The following USP15 variants were observed in gnomAD, a reference collection of about 807,000 sequenced individuals.
USP15 encodes ubiquitin specific peptidase 15, also known as ubiquitin carboxyl-terminal hydrolase 15.
A neutral mutation model predicts 127.1 loss-of-function variants in USP15; 18 were observed. The ratio of observed to expected loss-of-function variants is 0.14; its 90% CI spans 0.10 to 0.21. USP15 has a LOEUF of 0.21. Among genes scored for constraint, USP15 ranks in the 10% least tolerant of loss-of-function variants. USP15 has a pLI of 1.00. For missense variants in USP15, 805 were observed against 1,159.9 expected (o/e 0.69, Z 4.44); for synonymous variants, 364 against 393.7 (o/e 0.92, Z 0.89).
intron 2 of USP15, among the ~76,000 whole-genome samples, chr12:62,299,413 A>G (rs1313197617): frequency 6.6e-6 from 1 of 152,176 alleles, no homozygotes; most frequent in African/African-American, 2.4e-5. Flanking sequence ...GCCTGGCCCA[A>G]TATGAATTCT....
chr12:62,293,771 G>A (rs1294424389), intron 1 of USP15, among the ~76,000 whole-genome samples: 2 of 151,976 alleles, frequency 1.3e-5, no homozygotes, highest in Non-Finnish European at 2.9e-5. Context: ...CTTGATAACT[G>A]GTTTCCTTTA....
At chr12:62,337,236 A>G (rs980995475) in intron 6 of USP15, among the ~76,000 whole-genome samples, 1 of 152,264 alleles carries the variant, frequency 6.6e-6, no homozygotes, top group African/African-American at 2.4e-5. Flanking sequence ...GCCTTCCTTC[A>G]TTCATTTTTC....
At chr12:62,398,059 T>C (rs1301675661) in intron 20 of USP15, among the ~76,000 whole-genome samples, 3 of 151,900 alleles carry the variant, frequency 2.0e-5, no homozygotes, top group African/African-American at 4.8e-5. Flanking sequence ...TCGCATGATA[T>C]TGGCTCACTG....
At chr12:62,388,944 C>T (rs889942158) in intron 11 of USP15, among the ~76,000 whole-genome samples, 5 of 152,020 alleles carry the variant, frequency 3.3e-5, no homozygotes, top group Admixed American at 6.5e-5. Context: ...TTCTGGGCAA[C>T]ATAATGAGAC....
intron 3 of USP15, among the ~76,000 whole-genome samples, chr12:62,304,367 T>C (rs1352458904): frequency 6.6e-6 from 1 of 152,226 alleles, no homozygotes; most frequent in Non-Finnish European, 1.5e-5. Context: ...TGTGCTATAT[T>C]ACATTGCGTG....
At chr12:62,324,733 T>C (rs1479057030) in intron 5 of USP15, among the ~76,000 whole-genome samples, 3 of 151,960 alleles carry the variant, frequency 2.0e-5, no homozygotes, top group Non-Finnish European at 2.9e-5. Context: ...TTTAATATTT[T>C]AATTAGCATC....
intron 8 of USP15, among the ~76,000 whole-genome samples, chr12:62,364,935 CT>C (rs1367497867): frequency 6.6e-6 from 1 of 151,972 alleles, no homozygotes; most frequent in Non-Finnish European, 1.5e-5. Context: ...ATATGTGCCA[CT>C]TTTTTTTATG....
chr12:62,309,213 G>A (rs935405916), intron 3 of USP15, among the ~76,000 whole-genome samples: 3 of 151,948 alleles, frequency 2.0e-5, no homozygotes, highest in Non-Finnish European at 2.9e-5. Context: ...AAGAGAGTAG[G>A]CACAAATAAC....
At chr12:62,335,026 A>G in intron 6 of USP15, 1 of 711,636 alleles carries the variant, frequency 1.4e-6, no homozygotes, top group Non-Finnish European at 2.3e-6. Context: ...AGCTAAATGG[A>G]AGTCTTACCT....
chr12:62,299,897 G>A (rs1012079580), intron 2 of USP15, among the ~76,000 whole-genome samples: 1 of 152,024 alleles, frequency 6.6e-6, no homozygotes, highest in Non-Finnish European at 1.5e-5. Context: ...GATTTTTGAC[G>A]TGCATTTCCC....
chr12:62,327,667 A>T (rs2065166168), intron 6 of USP15: 1 of 435,576 alleles, frequency 2.3e-6, no homozygotes, highest in African/African-American at 2.1e-5. Context: ...ATAGCACAAT[A>T]TCATTTTTAT....
In USP15 at chr12:62,405,383, T is replaced by C. The variant is rs1168485191; in HGVS notation, c.*1008T>C. On this transcript the variant is annotated 3_prime_UTR_variant, in exon 22 of 22. Transcript: ENST00000280377. ...TAAAGGTAGGTCTGTTAACTTTCTT[T>C]GTGTGTTCCTGATGGAATTCACCAT... 6.6e-6 allele frequency: 1 copy of C among 152,552 alleles called. No individual in the cohort carries two copies. The highest frequency in any genetic ancestry group is 1.5e-5 in the Non-Finnish European group (1 of 68,004). The allele number at this position is 152,552 out of a possible 1,614,324, so 9.4% of individuals were successfully genotyped here.
chr12:62,365,434 T>C (rs1447924936), intron 8 of USP15, among the ~76,000 whole-genome samples: 2 of 152,192 alleles, frequency 1.3e-5, no homozygotes, highest in African/African-American at 4.8e-5. Context: ...TTAAGTTCTT[T>C]GTAGATTCTG....
chr12:62,356,826 A>G (rs754478672), intron 8 of USP15, among the ~76,000 whole-genome samples: 9 of 152,086 alleles, frequency 5.9e-5, no homozygotes, highest in Non-Finnish European at 1.2e-4. Context: ...TAGTTAAATA[A>G]CAAAGTAAAG....
rs138528984 is a variant in USP15, at chr12:62,335,728, C to A, written c.683+9795C>A. 119 of 985,418 alleles carry A rather than the reference C, an allele frequency of 1.2e-4. No individual in the cohort carries two copies. The East Asian group carries it at 7.4e-3, about 61-fold the overall frequency. The allele number at this position is 985,418 out of a possible 1,614,324, so 61.0% of individuals were successfully genotyped here. On this transcript the variant is annotated intron_variant, in intron 6 of 21. Coordinates refer to ENST00000280377, the MANE Select transcript of USP15 (RefSeq NM_001252078.2). The stretch of plus-strand genomic sequence containing the variant: ...CTTAAGCTTTTTTTTCTTTGACAGC[C>A]ACCTACATTTAAAAGGCTATACTTA...
chr12:62,311,605 A>C (rs1341996989), intron 3 of USP15, among the ~76,000 whole-genome samples: 1 of 151,806 alleles, frequency 6.6e-6, no homozygotes, highest in African/African-American at 2.4e-5. Flanking sequence ...AGCCAAACTT[A>C]GTTCATAAGT....
At chr12:62,294,123 T>C in intron 1 of USP15, 56 bp from the exon 2 acceptor site, 1 of 1,568,240 alleles carries the variant, frequency 6.4e-7, no homozygotes, top group Non-Finnish European at 8.7e-7. Flanking sequence ...AGATGGCTGT[T>C]CTACTGTTCC....
intron 8 of USP15, among the ~76,000 whole-genome samples, chr12:62,369,834 T>TA (rs768696981): frequency 1.3e-5 from 2 of 152,204 alleles, no homozygotes; most frequent in Non-Finnish European, 2.9e-5. Context: ...GAATGAAACA[T>TA]ACATTTAGCT....
At chr12:62,283,478 C>G (rs1004992409) in intron 1 of USP15, among the ~76,000 whole-genome samples, 1 of 151,836 alleles carries the variant, frequency 6.6e-6, no homozygotes, top group African/African-American at 2.4e-5. Flanking sequence ...GGAGCCCTAG[C>G]CAAGAAAAAT....
Sources: allele counts gnomAD v4.1 joint callset (sites outside exome capture counted in the v4.1 genomes callset), GRCh38; gene constraint gnomAD v4.1.1; transcripts MANE v1.5; gene names NCBI Gene and HGNC (gene_info 2026-07-23, HGNC 2026-07-21).